The following RSU1 variants were observed in gnomAD, a reference collection of about 807,000 sequenced individuals.
RSU1 encodes Ras suppressor protein 1.
RSU1 carries 26 observed loss-of-function variants against 31.1 expected under a neutral mutation model. The ratio of observed to expected loss-of-function variants is 0.84; its 90% CI spans 0.61 to 1.16. The LOEUF is 1.16. Ranked by LOEUF, RSU1 falls within the 50% of genes most tolerant of loss-of-function variation. RSU1 has a pLI of 0.00. For synonymous variants in RSU1, 164 were observed against 136.3 expected (o/e 1.20, Z -1.41); for missense variants, 320 against 339.1 (o/e 0.94, Z 0.44).
intron 8 of RSU1, among the ~76,000 whole-genome samples, chr10:16,629,582 C>G (rs1171796694): frequency 1.3e-5 from 2 of 152,144 alleles, no homozygotes; most frequent in Non-Finnish European, 2.9e-5. Flanking sequence ...AAAATTCCTT[C>G]CTTGGATGCA....
intron 5 of RSU1, among the ~76,000 whole-genome samples, chr10:16,754,217 A>G (rs1216409979): frequency 6.6e-6 from 1 of 152,248 alleles, no homozygotes; most frequent in Admixed American, 6.5e-5. Context: ...GAAATAGAAC[A>G]CTGATTTAAG....
chr10:16,813,329 T>C (rs1268869334), intron 2 of RSU1, among the ~76,000 whole-genome samples: 1 of 152,138 alleles, frequency 6.6e-6, no homozygotes, highest in African/African-American at 2.4e-5. Flanking sequence ...ACACTACAGG[T>C]TCTAATAAGC....
intron 8 of RSU1, among the ~76,000 whole-genome samples, chr10:16,606,371 C>A (rs1484752624): frequency 1.3e-5 from 2 of 152,130 alleles, no homozygotes; most frequent in Admixed American, 6.5e-5. Flanking sequence ...CTTCTGACCT[C>A]AAGTGATCTC....
intron 3 of RSU1, among the ~76,000 whole-genome samples, chr10:16,764,995 G>GGGA (rs1365505147): frequency 2.2e-4 from 31 of 140,636 alleles, no homozygotes; most frequent in African/African-American, 9.7e-4. Flanking sequence ...TGGGGGGGGA[G>GGGA]AAACAGAGCA....
chr10:16,732,936 G>A (rs1456782786), intron 7 of RSU1, among the ~76,000 whole-genome samples: 1 of 152,166 alleles, frequency 6.6e-6, no homozygotes, highest in Admixed American at 6.5e-5. Context: ...CATGGATGGA[G>A]TTTGATAAAG....
rs1013306849 is a variant in RSU1, at chr10:16,742,168, A to C, written c.598+10371T>G. Among the ~76,000 whole-genome samples, 51 of 152,230 alleles carry C rather than the reference A, an allele frequency of 3.4e-4. 3 individuals carry two copies. Among genetic ancestry groups the C allele is most frequent in the Non-Finnish European group, 1.5e-5 (1 of 68,038 alleles). ...AAAATGAGCATAAGCTTATTTACTA[A>C]TATTAGAATGCTATCACCCAAAACT... On this transcript the variant is annotated intron_variant, in intron 7 of 8. Coordinates refer to ENST00000345264, the MANE Select transcript of RSU1 (RefSeq NM_012425.4).
intron 8 of RSU1, among the ~76,000 whole-genome samples, chr10:16,594,363 C>T (rs1016171335): frequency 4.6e-5 from 7 of 151,846 alleles, no homozygotes; most frequent in African/African-American, 1.7e-4. Context: ...TATGCACACT[C>T]TCTGGATGCT....
At chr10:16,710,880 T>C (rs1034950812) in intron 7 of RSU1, among the ~76,000 whole-genome samples, 5 of 152,192 alleles carry the variant, frequency 3.3e-5, no homozygotes, top group African/African-American at 7.2e-5. Flanking sequence ...TGTGTTCTCA[T>C]TGTTCAACTC....
chr10:16,717,883 C>G (rs1241371404), intron 7 of RSU1, among the ~76,000 whole-genome samples: 1 of 150,740 alleles, frequency 6.6e-6, no homozygotes, highest in African/African-American at 2.4e-5. Context: ...TGGAGATCTA[C>G]CACAATTTTG....
At chr10:16,739,984 TC>T (rs1696484996) in intron 7 of RSU1, among the ~76,000 whole-genome samples, 1 of 152,004 alleles carries the variant, frequency 6.6e-6, no homozygotes, top group East Asian at 1.9e-4. Context: ...GAGCCTTATA[TC>T]AAAAAACTCA....
At chr10:16,679,101 A>G (rs987698799) in intron 8 of RSU1, among the ~76,000 whole-genome samples, 14 of 152,252 alleles carry the variant, frequency 9.2e-5, no homozygotes, top group African/African-American at 2.2e-4. Flanking sequence ...TAGTGAGAAC[A>G]CATTTTAATG....
intron 7 of RSU1, chr10:16,723,109 A>G (rs144093135): frequency 7.2e-4 from 110 of 151,994 alleles, no homozygotes; most frequent in African/African-American, 2.6e-3. Flanking sequence ...GATTTGCTGT[A>G]TTAGTTGGCA....
chr10:16,713,900 T>C (rs1335289321), intron 7 of RSU1, among the ~76,000 whole-genome samples: 1 of 152,208 alleles, frequency 6.6e-6, no homozygotes. Flanking sequence ...TTAGCTTTAG[T>C]TCTGGGTGGA....
chr10:16,668,145 T>C (rs1835035314), intron 8 of RSU1, among the ~76,000 whole-genome samples: 1 of 152,168 alleles, frequency 6.6e-6, no homozygotes, highest in South Asian at 2.1e-4. Flanking sequence ...TATTTCAGCT[T>C]CTCCTTTGAG....
At chr10:16,640,307 T>C (rs1235890824) in intron 8 of RSU1, among the ~76,000 whole-genome samples, 1 of 152,078 alleles carries the variant, frequency 6.6e-6, no homozygotes. Context: ...ATCACTTAGG[T>C]GCTGCCAAAT....
intron 2 of RSU1, among the ~76,000 whole-genome samples, chr10:16,784,711 C>T (rs1011822854): frequency 1.9e-4 from 29 of 152,244 alleles, no homozygotes; most frequent in African/African-American, 5.8e-4. Flanking sequence ...AGTAAGAGAG[C>T]GTATGCAGGG....
chr10:16,721,027 A>G (rs974082426), intron 7 of RSU1, among the ~76,000 whole-genome samples: 1 of 152,208 alleles, frequency 6.6e-6, no homozygotes, highest in African/African-American at 2.4e-5. Context: ...ATAAATAAAT[A>G]GAGTATCTGG....
intron 8 of RSU1, among the ~76,000 whole-genome samples, chr10:16,620,432 A>G (rs1834048755): frequency 6.6e-6 from 1 of 152,066 alleles, no homozygotes; most frequent in Admixed American, 6.5e-5. Flanking sequence ...ACTGACATTC[A>G]GTGGGGAGAC....
intron 7 of RSU1, among the ~76,000 whole-genome samples, chr10:16,743,062 T>TG (rs1836783162): frequency 1.3e-5 from 2 of 152,320 alleles, no homozygotes; most frequent in Middle Eastern, 3.4e-3. Context: ...TTGTGAAGTA[T>TG]GGCAAAAGAA....
Sources: gnomAD v4.1 joint callset for allele counts (sites outside exome capture counted in the v4.1 genomes callset) on GRCh38, gnomAD v4.1.1 for gene constraint, MANE v1.5 for transcripts, NCBI Gene and HGNC (gene_info 2026-07-23, HGNC 2026-07-21) for gene names.